Variants in CACNA1H observed in about 807,000 individuals in gnomAD.
CACNA1H encodes the protein voltage-dependent T-type calcium channel subunit alpha-1H.
In CACNA1H, 149 loss-of-function variants were observed where a neutral mutation model predicts 192.5. The ratio of observed to expected loss-of-function variants is 0.77; its 90% CI spans 0.68 to 0.89. CACNA1H has a LOEUF of 0.89. Ranked by LOEUF, CACNA1H falls within the 40% of genes least tolerant of loss-of-function variation. The pLI is 0.00. For synonymous variants in CACNA1H, 2,202 were observed against 1,475.2 expected (o/e 1.49, Z -11.29); for missense variants, 4,257 against 3,423.5 (o/e 1.24, Z -6.08).
At chr16:1,215,723 C>T (rs894671625) in intron 30 of CACNA1H, 130 bp downstream of exon 30, 8 of 737,942 alleles carry the variant, frequency 1.1e-5, no homozygotes, top group African/African-American at 5.2e-5. Context: ...GAAGCTGCGT[C>T]CCTGCTGTGT....
chr16:1,183,350 G>C (rs571225244), intron 2 of CACNA1H, among the ~76,000 whole-genome samples: 1 of 152,316 alleles, frequency 6.6e-6, no homozygotes, highest in South Asian at 2.1e-4. Flanking sequence ...GGCTTCTCCC[G>C]AGGAAGGAGA....
intron 2 of CACNA1H, among the ~76,000 whole-genome samples, chr16:1,181,278 C>T (rs1389379165): frequency 5.9e-5 from 9 of 152,250 alleles, no homozygotes; most frequent in Non-Finnish European, 7.3e-5. Context: ...AGCTCTCACC[C>T]GGCATGGCCG....
In CACNA1H at chr16:1,206,949, G is replaced by A. The variant is rs955847007; in HGVS notation, c.2790-52G>A. 14 of 459,598 alleles carry A rather than the reference G, an allele frequency of 3.0e-5. No homozygotes were observed. In the East Asian group the frequency reaches 5.0e-4, roughly 16 times the overall value. 28.5% of individuals were successfully genotyped at this position (459,598 alleles called of 1,614,324 possible). On this transcript the variant is annotated intron_variant, in intron 12 of 34. Transcript: ENST00000348261. ...CCCTCCCGCTCCCCCACCTTCTTCC[G>A]CTCAGCACACCCCTGCCTCCACCCT...
intron 8 of CACNA1H, 136 bp from the exon 9 acceptor site, chr16:1,201,527 C>T (rs911896087): frequency 9.4e-7 from 1 of 1,061,840 alleles, no homozygotes; most frequent in Non-Finnish European, 1.3e-6. Context: ...ACCGCAGCAG[C>T]CTGCCCATAG....
In CACNA1H at chr16:1,219,965, C is replaced by T. The variant is rs1168808062; in HGVS notation, c.6049-16C>T. 4 of 1,289,140 alleles carry T rather than the reference C, an allele frequency of 3.1e-6. No individual in the cohort carries two copies. In the African/African-American group the frequency reaches 4.6e-5, roughly 15 times the overall value. The allele number at this position is 1,289,140 out of a possible 1,614,324, so 79.9% of individuals were successfully genotyped here. On this transcript the variant is annotated splice_polypyrimidine_tract_variant and intron_variant, in intron 34 of 34. Transcript: ENST00000348261. ...CCCAGGGCCCCGCCCCTCACTTTGA[C>T]TCTACGCCCCCACAGGAGGCTGTGC...
intron 5 of CACNA1H, among the ~76,000 whole-genome samples, chr16:1,197,669 C>A (rs561676864): frequency 7.9e-5 from 12 of 152,220 alleles, no homozygotes; most frequent in African/African-American, 2.7e-4. Context: ...TTGTCTGCTC[C>A]GGTCGGCTCT....
Position 1,208,200 on chromosome 16 carries a change from A to C in CACNA1H, c.3342A>C (p.Pro1114=). ...RRGSSSSGDP[P]LGDQKPPASL... is the part of the protein sequence containing the mutation. ...GCAGCAGCAGCTCCGGGGACCCGCC[A>C]CTGGGAGACCAGAAGCCTCCGGTAG... Residue 1114 remains proline (P), a synonymous_variant, in exon 16 of 35, where the codon CCA becomes CCC. Transcript: ENST00000348261. 1 of 1,564,228 alleles carries C rather than the reference A, an allele frequency of 6.4e-7. No homozygotes were observed. Among genetic ancestry groups the C allele is most frequent in the Non-Finnish European group, 8.6e-7 (1 of 1,157,162 alleles).
rs951840946 is a variant in CACNA1H at position 1,221,585 on chromosome 16, G to T, written c.*591G>T. 1.2e-5 allele frequency: 7 copies of T among 592,016 alleles called. No individual in the cohort carries two copies. Among genetic ancestry groups the T allele is most frequent in the African/African-American group, 1.9e-5 (1 of 53,170 alleles). The allele number at this position is 592,016 out of a possible 1,614,324, so 36.7% of individuals were successfully genotyped here. A position where few individuals can be genotyped will look rare whatever the true frequency, so the allele number is the denominator to read the frequency against. On this transcript the variant is annotated 3_prime_UTR_variant, in exon 35 of 35. Coordinates refer to ENST00000348261, the MANE Select transcript of CACNA1H (RefSeq NM_021098.3). ...GCCGACCCCATGGAGTAACGCGCCC[G>T]GCCCCGATGCGAATCAGGCCTCCCC...
chr16:1,154,521 G>A (rs1268520043), intron 2 of CACNA1H, among the ~76,000 whole-genome samples: 1 of 152,202 alleles, frequency 6.6e-6, no homozygotes, highest in African/African-American at 2.4e-5. Context: ...TTCCGAGTGC[G>A]TGGGGAGACC....
Position 1,207,758 on chromosome 16 carries a change from T to C in CACNA1H, c.3064-12T>C, listed in dbSNP as rs1968915899. 3 of 1,586,440 alleles carry C rather than the reference T, an allele frequency of 1.9e-6. No individual in the cohort carries two copies. Among genetic ancestry groups the C allele is most frequent in the Non-Finnish European group, 2.6e-6 (3 of 1,167,050 alleles). On this transcript the variant is annotated splice_polypyrimidine_tract_variant and intron_variant, in intron 14 of 34. Coordinates refer to ENST00000348261, the MANE Select transcript of CACNA1H (RefSeq NM_021098.3). Reference sequence around the variant, plus strand: ...GGCCCCTCATGCCTGCCTTGTGCTTTGTTGGGTTTAGGGCGATGCCAACAG... The same window carrying C: ...GGCCCCTCATGCCTGCCTTGTGCTTCGTTGGGTTTAGGGCGATGCCAACAG...
intron 9 of CACNA1H, 74 bp from the exon 10 acceptor site, chr16:1,203,934 CTG>C: frequency 9.0e-7 from 1 of 1,107,284 alleles, no homozygotes; most frequent in East Asian, 2.6e-5. Context: ...CCCACCGCTC[CTG>C]TGTGTGAGGG....
intron 2 of CACNA1H, among the ~76,000 whole-genome samples, chr16:1,171,688 G>A (rs1034781579): frequency 9.7e-4 from 148 of 152,234 alleles, no homozygotes; most frequent in African/African-American, 3.3e-3. Flanking sequence ...CTCCTGGGCC[G>A]TGCCTCGGCC....
intron 2 of CACNA1H, among the ~76,000 whole-genome samples, chr16:1,188,556 C>G (rs891777450): frequency 1.3e-5 from 2 of 152,224 alleles, no homozygotes; most frequent in East Asian, 1.9e-4. Flanking sequence ...CTCACCCAGC[C>G]GCGGGAATGC....
At chr16:1,199,916 C>T (rs753177676) in intron 6 of CACNA1H, among the ~76,000 whole-genome samples, 41 of 152,120 alleles carry the variant, frequency 2.7e-4, no homozygotes, top group African/African-American at 8.0e-4. Flanking sequence ...TCTTGGGTCT[C>T]CCTCCCTGTT....
intron 2 of CACNA1H, among the ~76,000 whole-genome samples, chr16:1,189,122 C>T (rs568640387): frequency 6.7e-6 from 1 of 148,816 alleles, no homozygotes; most frequent in African/African-American, 2.6e-5. Flanking sequence ...TTCCAGGGTC[C>T]CGAGGGAAGT....
chr16:1,155,126 G>A (rs914872049), intron 2 of CACNA1H, among the ~76,000 whole-genome samples: 20 of 152,242 alleles, frequency 1.3e-4, no homozygotes, highest in Admixed American at 1.2e-3. Context: ...AGAGGAATCT[G>A]TACAAAAAAA....
In CACNA1H at chr16:1,202,272, C is replaced by CT; in HGVS notation, c.1823dup (p.Thr610HisfsTer46). 6.3e-7 allele frequency: 1 copy of CT among 1,578,974 alleles called. No individual in the cohort carries two copies. The highest frequency in any genetic ancestry group is 8.6e-7 in the Non-Finnish European group (1 of 1,164,698). ...TGCCAGCCTCAGACTGGCCACAGGG[C>CT]TGGGCACCATGAACTACCCCACGAT... On this transcript the variant is annotated frameshift_variant, in exon 9 of 35. Transcript: ENST00000348261. LOFTEE classifies it high-confidence loss of function.
rs1596428784 is a variant in CACNA1H, at chr16:1,205,198, G to A, written c.2536G>A (p.Ala846Thr). 1.2e-6 allele frequency: 2 copies of A among 1,613,070 alleles called. No homozygotes were observed. Among genetic ancestry groups the A allele is most frequent in the Non-Finnish European group, 1.7e-6 (2 of 1,179,772 alleles). The stretch of plus-strand genomic sequence containing the variant: ...CCTGGAGATGCTGCTGAAGCTGCTG[G>A]CCTGCGGCCCTCTGGGCTACATCCG... The part of the protein sequence containing the change: ...FALEMLLKLL[A>T]CGPLGYIRNP... The change falls in exon 11 of 35, where the codon GCC (alanine) becomes ACC (threonine). Residue 846 changes from alanine to threonine, a missense_variant. Physicochemically the swap from Ala to Thr is moderately conservative, Grantham distance 58 (BLOSUM62 0). Transcript: ENST00000348261.
At chr16:1,212,417 C>G in intron 25 of CACNA1H, 94 bp from the exon 26 acceptor site, 1 of 1,320,474 alleles carries the variant, frequency 7.6e-7, no homozygotes, top group African/African-American at 1.5e-5. Context: ...GCCAGCACAG[C>G]CCCCGAGACA....
Sources: allele counts gnomAD v4.1 joint callset (sites outside exome capture counted in the v4.1 genomes callset), GRCh38; gene constraint gnomAD v4.1.1; transcripts MANE v1.5; gene names NCBI Gene and HGNC (gene_info 2026-07-23, HGNC 2026-07-21).